Variants in TLN2 observed in about 807,000 individuals in gnomAD.
TLN2 encodes talin 2.
A neutral mutation model predicts 294.7 loss-of-function variants in TLN2; 118 were observed. That is an observed-to-expected ratio of 0.40 (90% CI 0.34 to 0.47). The LOEUF (loss-of-function observed/expected upper bound fraction) is 0.47. TLN2 is among the 20% of genes least tolerant of loss of function. The pLI, the probability that TLN2 is intolerant of heterozygous loss-of-function variation, is 0.84. For missense variants in TLN2, 3,083 were observed against 3,282.2 expected (o/e 0.94, Z 1.48); for synonymous variants, 1,431 against 1,304.5 (o/e 1.10, Z -2.09).
At chr15:62,636,053 G>C (rs2050350068) in intron 3 of TLN2, among the ~76,000 whole-genome samples, 2 of 152,214 alleles carry the variant, frequency 1.3e-5, no homozygotes, top group South Asian at 4.1e-4. Flanking sequence ...AACATAAAAA[G>C]GGCTTAGCAT....
At position 62,694,349 on chromosome 15, in the gene TLN2, G is replaced by A; in HGVS notation, c.1249G>A (p.Asp417Asn). The change falls in exon 14 of 59, where the codon GAT (aspartate) becomes AAT (asparagine). Residue 417 changes from aspartate to asparagine, a missense_variant. By Grantham distance (23) the Asp-to-Asn change is conservative. Transcript: ENST00000636159. The part of the protein sequence containing the change: ...QSKDRFGLEG[D>N]EESTMLEESV... ...TAAAGATCGATTTGGACTAGAAGGT[G>A]ATGAGGAGTCAACCATGTTAGAAGA... 2.5e-6 allele frequency: 4 copies of A among 1,614,116 alleles called. No homozygotes were observed. The highest frequency in any genetic ancestry group is 2.5e-6 in the Non-Finnish European group (3 of 1,180,008).
intron 45 of TLN2, among the ~76,000 whole-genome samples, chr15:62,787,124 G>A (rs1007297653): frequency 7.9e-5 from 12 of 152,018 alleles, no homozygotes; most frequent in Admixed American, 7.2e-4. Flanking sequence ...TCAACCTCCT[G>A]GACTCAAGCC....
intron 1 of TLN2, among the ~76,000 whole-genome samples, chr15:62,575,789 C>T (rs1317488842): frequency 6.6e-6 from 1 of 152,232 alleles, no homozygotes; most frequent in East Asian, 1.9e-4. Flanking sequence ...ATGTTCGTTA[C>T]TTCATCCACG....
chr15:62,533,029 G>T (rs764120545), intron 1 of TLN2, among the ~76,000 whole-genome samples: 1 of 151,982 alleles, frequency 6.6e-6, no homozygotes. Context: ...CGAGGCAGGC[G>T]CATCGCTTGA....
At chr15:62,780,862 A>T (rs527982332) in intron 43 of TLN2, among the ~76,000 whole-genome samples, 2 of 151,548 alleles carry the variant, frequency 1.3e-5, no homozygotes, top group South Asian at 4.2e-4. Context: ...CATGTGGCAG[A>T]CTCTTCGCCT....
intron 2 of TLN2, among the ~76,000 whole-genome samples, chr15:62,615,156 G>C (rs1412905888): frequency 6.6e-6 from 1 of 152,202 alleles, no homozygotes; most frequent in Non-Finnish European, 1.5e-5. Context: ...TATTTGAAAA[G>C]TCATCTGAGA....
intron 11 of TLN2, 94 bp downstream of exon 11, chr15:62,675,415 C>G (rs1349383438): frequency 7.9e-7 from 1 of 1,271,466 alleles, no homozygotes; most frequent in Non-Finnish European, 1.1e-6. Flanking sequence ...GTCCTGCTCA[C>G]CCCCCTAGCA....
In TLN2 at chr15:62,492,923, A is replaced by G. The variant is rs562150140; in HGVS notation, c.-237-96764A>G. Reference sequence around the variant, plus strand: ...CTGCTTTGGAAAAGTGGGGTAGCCCAGGACGTTCTGGCTACTCTTCCTGCT... The same window carrying G: ...CTGCTTTGGAAAAGTGGGGTAGCCCGGGACGTTCTGGCTACTCTTCCTGCT... On this transcript the variant is annotated intron_variant, in intron 1 of 58. Coordinates refer to ENST00000636159, the MANE Select transcript of TLN2 (RefSeq NM_015059.3). Among the ~76,000 whole-genome samples the G allele has an allele frequency of 3.9e-5, 6 of 152,356 alleles. No individual in the cohort carries two copies. The South Asian group carries it at 8.3e-4, about 21-fold the overall frequency.
chr15:62,682,413 G>A (rs1049659272), intron 11 of TLN2, among the ~76,000 whole-genome samples: 3 of 152,134 alleles, frequency 2.0e-5, no homozygotes, highest in Non-Finnish European at 2.9e-5. Flanking sequence ...GCATGTCTGC[G>A]AGTCATATAA....
At chr15:62,521,841 T>C (rs1039740379) in intron 1 of TLN2, among the ~76,000 whole-genome samples, 1 of 152,222 alleles carries the variant, frequency 6.6e-6, no homozygotes, top group African/African-American at 2.4e-5. Context: ...CAAGGAAATA[T>C]ATTTTGGGGT....
intron 2 of TLN2, among the ~76,000 whole-genome samples, chr15:62,598,294 A>G (rs975134806): frequency 1.3e-5 from 2 of 152,268 alleles, no homozygotes; most frequent in South Asian, 2.1e-4. Flanking sequence ...GCTGTGTTTT[A>G]TAGGTGGGAA....
chr15:62,575,433 G>T (rs953633686), intron 1 of TLN2, among the ~76,000 whole-genome samples: 1 of 152,104 alleles, frequency 6.6e-6, no homozygotes, highest in African/African-American at 2.4e-5. Context: ...ATCAGAATCA[G>T]TGTAAATCAC....
chr15:62,577,990 A>G (rs934990866), intron 1 of TLN2, among the ~76,000 whole-genome samples: 1 of 152,172 alleles, frequency 6.6e-6, no homozygotes, highest in African/African-American at 2.4e-5. Context: ...GATGGTTTCC[A>G]GCTTCATCCA....
intron 1 of TLN2, among the ~76,000 whole-genome samples, chr15:62,513,796 T>TATTCCACAAA (rs1305985429): frequency 6.6e-6 from 1 of 152,192 alleles, no homozygotes; most frequent in African/African-American, 2.4e-5. Context: ...GCTAAATAAA[T>TATTCCACAAA]ATTGATGGAA....
intron 1 of TLN2, among the ~76,000 whole-genome samples, chr15:62,465,107 T>G (rs910944294): frequency 4.9e-4 from 30 of 61,470 alleles, no homozygotes; most frequent in African/African-American, 2.0e-3. Flanking sequence ...TGAGCGCGTT[T>G]TTTTTTTTTT....
chr15:62,748,623 G>T (rs901406748), intron 33 of TLN2, among the ~76,000 whole-genome samples, 179 bp downstream of exon 33: 9 of 152,136 alleles, frequency 5.9e-5, no homozygotes, highest in Non-Finnish European at 1.2e-4. Flanking sequence ...CAATCCAAGT[G>T]GAAAGAAACT....
At chr15:62,641,598 G>T (rs538990339) in intron 3 of TLN2, among the ~76,000 whole-genome samples, 29 of 152,086 alleles carry the variant, frequency 1.9e-4, no homozygotes, top group South Asian at 4.2e-4. Flanking sequence ...ATTCTTGCCT[G>T]GGCTACGAGT....
intron 3 of TLN2, among the ~76,000 whole-genome samples, chr15:62,635,986 T>G (rs1165407921): frequency 6.6e-6 from 1 of 152,184 alleles, no homozygotes; most frequent in East Asian, 1.9e-4. Context: ...TTGGTTGTCC[T>G]GCTTGGGCGA....
chr15:62,533,358 A>C (rs143318547), intron 1 of TLN2, among the ~76,000 whole-genome samples: 91 of 151,480 alleles, frequency 6.0e-4, no homozygotes, highest in African/African-American at 2.2e-3. Flanking sequence ...TGAGAGCCTT[A>C]AGTTAGATTC....
Sources: gnomAD v4.1 joint callset for allele counts (sites outside exome capture counted in the v4.1 genomes callset) on GRCh38, gnomAD v4.1.1 for gene constraint, MANE v1.5 for transcripts, NCBI Gene and HGNC (gene_info 2026-07-23, HGNC 2026-07-21) for gene names.